The following DDX55 variants were observed in gnomAD, a reference collection of about 807,000 sequenced individuals.
DDX55 encodes DEAD-box helicase 55, also known as ATP-dependent RNA helicase DDX55.
Under a neutral mutation model 69.2 loss-of-function variants are expected in DDX55, and 56 were observed. That is an observed-to-expected ratio of 0.81 (90% CI 0.65 to 1.01). The LOEUF (loss-of-function observed/expected upper bound fraction) is 1.01. DDX55 is among the 50% of genes least tolerant of loss of function. The pLI is 0.00. For synonymous variants in DDX55, 268 were observed against 273.1 expected (o/e 0.98, Z 0.18); for missense variants, 720 against 745.1 (o/e 0.97, Z 0.39).
At chr12:123,602,797 G>A (rs967767024) in intron 1 of DDX55, among the ~76,000 whole-genome samples, 2 of 152,206 alleles carry the variant, frequency 1.3e-5, no homozygotes, top group African/African-American at 4.8e-5. Flanking sequence ...CTAGAGAAAG[G>A]ATAATTTCAG....
At position 123,608,820 on chromosome 12, in the gene DDX55, T is replaced by C. The variant is rs141234230; in HGVS notation, c.542T>C (p.Phe181Ser). 32 of 1,613,728 alleles carry C rather than the reference T, an allele frequency of 2.0e-5. No homozygotes were observed. The highest frequency in any genetic ancestry group is 3.3e-5 in the Admixed American group (2 of 59,912). The change falls in exon 6 of 14, where the codon TTT becomes TCT. Residue 181 changes from phenylalanine (F) to serine (S), a missense_variant. Transcript: ENST00000238146. ...DEADRLLDMGFEASINTILEF... is the reference protein window; with the variant it reads ...DEADRLLDMGSEASINTILEF... ...GCAGACAGACTTCTGGACATGGGGT[T>C]TGAGGCAAGGTACTGGACTTTGGAC...
At chr12:123,615,408 G>A (rs532387643) in intron 9 of DDX55, 92 bp downstream of exon 9, 12 of 1,520,948 alleles carry the variant, frequency 7.9e-6, no homozygotes, top group South Asian at 4.9e-5. Context: ...TGTGCTGTCC[G>A]CATGTGTTGT....
intron 3 of DDX55, among the ~76,000 whole-genome samples, chr12:123,606,438 A>C (rs1383791077): frequency 6.6e-6 from 1 of 152,086 alleles, no homozygotes; most frequent in African/African-American, 2.4e-5. Context: ...GTATTTGTGA[A>C]TTTGCCTGCT....
At chr12:123,619,810 T>C in intron 13 of DDX55, 86 bp downstream of exon 13, 5 of 1,518,056 alleles carry the variant, frequency 3.3e-6, no homozygotes, top group Non-Finnish European at 4.4e-6. Context: ...TGTGGGGCTG[T>C]CAGATTTCTG....
rs1305321637 is a variant in DDX55 at position 123,620,197 on chromosome 12, G to C, written c.*57G>C. The C allele has an allele frequency of 3.3e-6, 5 of 1,519,914 alleles. No individual in the cohort carries two copies. In the Middle Eastern group the frequency reaches 8.8e-4, roughly 268 times the overall value. The allele number at this position is 1,519,914 out of a possible 1,614,324, so 94.2% of individuals were successfully genotyped here. On this transcript the variant is annotated 3_prime_UTR_variant, in exon 14 of 14. Coordinates refer to ENST00000238146, the MANE Select transcript of DDX55 (RefSeq NM_020936.3). ...TAGCTGTTCCCTAACTTGGTGGATGGCTCCAGTTTGCTTTTAACGAAAATC... is the reference window on the plus strand; with the variant it reads ...TAGCTGTTCCCTAACTTGGTGGATGCCTCCAGTTTGCTTTTAACGAAAATC...
rs748042929 is a variant in DDX55 at position 123,605,828 on chromosome 12, G to A, written c.109-103G>A. The A allele has an allele frequency of 2.7e-6, 4 of 1,484,238 alleles. No individual in the cohort carries two copies. The African/African-American group carries it at 5.5e-5, about 21-fold the overall frequency. The allele number at this position is 1,484,238 out of a possible 1,614,324, so 91.9% of individuals were successfully genotyped here. On this transcript the variant is annotated intron_variant, in intron 1 of 13. Coordinates refer to ENST00000238146, the MANE Select transcript of DDX55 (RefSeq NM_020936.3). Reference sequence around the variant, plus strand: ...TTACTCAGAGCCCCTTTTGTGGTGGGACCCACTGTGACCTTAGCTGCCCAT... The same window carrying A: ...TTACTCAGAGCCCCTTTTGTGGTGGAACCCACTGTGACCTTAGCTGCCCAT...
In DDX55 at chr12:123,613,288, A is replaced by G. The variant is rs567539448; in HGVS notation, c.824+36A>G. Reference sequence around the variant, plus strand: ...GGTCTCTGTGGTAGAGGCATCAGGGATTCAGCCAGAATGTGCAGGTGCATG... The same window carrying G: ...GGTCTCTGTGGTAGAGGCATCAGGGGTTCAGCCAGAATGTGCAGGTGCATG... On this transcript the variant is annotated intron_variant, in intron 8 of 13. Coordinates refer to ENST00000238146, the MANE Select transcript of DDX55 (RefSeq NM_020936.3). The G allele has an allele frequency of 1.4e-5, 23 of 1,605,028 alleles. No individual in the cohort carries two copies. In the African/African-American group the frequency reaches 2.7e-4, roughly 19 times the overall value.
chr12:123,605,710 G>A lies in DDX55; in HGVS notation c.109-221G>A, dbSNP rs115152155. 3,212 of 666,642 alleles carry A rather than the reference G, an allele frequency of 4.8e-3. 72 individuals carry two copies. Among genetic ancestry groups the A allele is most frequent in the African/African-American group, 0.048 (2,699 of 56,338 alleles). The allele number at this position is 666,642 out of a possible 1,614,324, so 41.3% of individuals were successfully genotyped here. ...TAGGAGCGACAGGGCTAGAATTCAG[G>A]ACTCCCACCTCCCAGCTCAGCTCAC... is the stretch of plus-strand genomic sequence containing the variant. On this transcript the variant is annotated intron_variant, in intron 1 of 13. Transcript: ENST00000238146.
intron 3 of DDX55, among the ~76,000 whole-genome samples, 164 bp downstream of exon 3, chr12:123,606,323 G>A (rs536235702): frequency 6.6e-6 from 1 of 152,208 alleles, no homozygotes; most frequent in African/African-American, 2.4e-5. Context: ...GAGTCCAGGA[G>A]TTTGAGACCA....
Position 123,605,995 on chromosome 12 carries a change from G to C in DDX55, c.159+14G>C. ...GCTGCAGAAGCGGTGAGTGCCTCGG[G>C]TATGTGCAGCCTGTCCTCGTGTTCT... On this transcript the variant is annotated intron_variant, in intron 2 of 13. Transcript: ENST00000238146. 2.5e-6 allele frequency: 4 copies of C among 1,614,130 alleles called. No homozygotes were observed. The highest frequency in any genetic ancestry group is 3.4e-6 in the Non-Finnish European group (4 of 1,180,030).
At chr12:123,611,914 G>A (rs111530647) in intron 7 of DDX55, among the ~76,000 whole-genome samples, 1 of 152,220 alleles carries the variant, frequency 6.6e-6, no homozygotes, top group African/African-American at 2.4e-5. Context: ...AGATTTAACC[G>A]ATGAACTTAG....
intron 7 of DDX55, 65 bp downstream of exon 7, chr12:123,610,193 C>G: frequency 6.5e-7 from 1 of 1,529,144 alleles, no homozygotes; most frequent in Non-Finnish European, 8.8e-7. Context: ...GGAAATTGTA[C>G]TGGTAGAATA....
chr12:123,618,999 A>G (rs894607061), intron 12 of DDX55, among the ~76,000 whole-genome samples, 162 bp downstream of exon 12: 1 of 152,168 alleles, frequency 6.6e-6, no homozygotes, highest in Non-Finnish European at 1.5e-5. Flanking sequence ...AACTTTGTAA[A>G]AATGTAATTT....
chr12:123,618,734 G>A lies in DDX55; in HGVS notation c.1230G>A (p.Met410Ile). Residue 410 changes from methionine to isoleucine, a missense_variant, in exon 12 of 14, where the codon ATG becomes ATA. By Grantham distance (10) the Met-to-Ile change is conservative. Coordinates refer to ENST00000238146, the MANE Select transcript of DDX55 (RefSeq NM_020936.3). ...ACCTTCTGCCAAAACTCAAGTCCAT[G>A]GCCCTGGCTGACAGAGCTGTGTTTG... Reference protein sequence around the residue: ...TADLLPKLKSMALADRAVFEK... With the variant: ...TADLLPKLKSIALADRAVFEK... The A allele has an allele frequency of 6.2e-7, 1 of 1,614,182 alleles. No homozygotes were observed. The highest frequency in any genetic ancestry group is 8.5e-7 in the Non-Finnish European group (1 of 1,180,036).
chr12:123,614,033 C>A (rs546384884), intron 8 of DDX55, among the ~76,000 whole-genome samples: 2 of 151,856 alleles, frequency 1.3e-5, no homozygotes, highest in African/African-American at 4.8e-5. Flanking sequence ...TCTTTTCTAT[C>A]TGTTATCCTA....
At chr12:123,618,302 G>T in intron 11 of DDX55, 3 of 526,540 alleles carry the variant, frequency 5.7e-6, no homozygotes, top group Non-Finnish European at 1.1e-5. Context: ...GTGAGCCACC[G>T]TGCCCGGCCA....
intron 1 of DDX55, chr12:123,605,109 T>TC (rs1211592064): frequency 1.3e-5 from 2 of 152,298 alleles, no homozygotes; most frequent in Non-Finnish European, 2.9e-5. Context: ...AGCCTCGACC[T>TC]CCCTGGGCCT....
At position 123,610,045 on chromosome 12, in the gene DDX55, C is replaced by G; in HGVS notation, c.658C>G (p.Pro220Ala). ...CCTGGTGAGAGCGGGCCTCCGGAAC[C>G]CTGTCCGGGTCTCAGTGAAGGAGAA... ...ENLVRAGLRN[P>A]VRVSVKEKGV... The change falls in exon 7 of 14, where the codon CCT becomes GCT. Residue 220 changes from proline to alanine, a missense_variant. By Grantham distance (27) the Pro-to-Ala change is conservative. Coordinates refer to ENST00000238146, the MANE Select transcript of DDX55 (RefSeq NM_020936.3). The G allele has an allele frequency of 6.2e-7, 1 of 1,614,132 alleles. No homozygotes were observed.
rs749864263 is a variant in DDX55, at chr12:123,618,653, ATG to A, written c.1165-4_1165-3del. 2.1e-4 allele frequency: 336 copies of A among 1,586,590 alleles called. No individual in the cohort carries two copies. Among genetic ancestry groups the A allele is most frequent in the Admixed American group, 1.4e-3 (82 of 57,784 alleles). On this transcript the variant is annotated splice_polypyrimidine_tract_variant and intron_variant, in intron 11 of 13. Transcript: ENST00000238146. ...CAGCCAGGGAAGGTGAGAATGTGGT[ATG>A]TGTGTGTGTGTAGTGCCCCCTGCAG...
Sources: allele counts gnomAD v4.1 joint callset (sites outside exome capture counted in the v4.1 genomes callset), GRCh38; gene constraint gnomAD v4.1.1; transcripts MANE v1.5; gene names NCBI Gene and HGNC (gene_info 2026-07-23, HGNC 2026-07-21).